CRISPLD2: variants seen among roughly 807,000 people sequenced by gnomAD.
CRISPLD2 encodes cysteine-rich secretory protein LCCL domain-containing 2.
Under a neutral mutation model 71.1 loss-of-function variants are expected in CRISPLD2, and 47 were observed. That is an observed-to-expected ratio of 0.66 (90% CI 0.52 to 0.84). CRISPLD2 has a LOEUF of 0.84. CRISPLD2 is among the 40% of genes least tolerant of loss of function. CRISPLD2 has a pLI of 0.00. For synonymous variants in CRISPLD2, 317 were observed against 250.1 expected, an observed-to-expected ratio of 1.27 and a Z score of -2.52; for missense variants, 830 against 651.1, an observed-to-expected ratio of 1.27 and a Z score of -2.99.
chr16:84,903,466 C>A (rs930201687), intron 14 of CRISPLD2, among the ~76,000 whole-genome samples: 2 of 152,066 alleles, frequency 1.3e-5, no homozygotes, highest in African/African-American at 2.4e-5. Flanking sequence ...GTGGCGCATG[C>A]CTGTAATTCC....
intron 11 of CRISPLD2, among the ~76,000 whole-genome samples, chr16:84,876,096 C>T (rs1156620698): frequency 6.6e-6 from 1 of 152,184 alleles, no homozygotes; most frequent in Non-Finnish European, 1.5e-5. Context: ...ACAGTTACAC[C>T]TATTCCACAT....
rs1917009106 is a variant in CRISPLD2 at position 84,849,300 on chromosome 16, C to A, written c.360-85C>A. The A allele has an allele frequency of 3.6e-6, 5 of 1,375,900 alleles. No homozygotes were observed. The South Asian group carries it at 5.7e-5, about 16-fold the overall frequency. 85.2% of individuals were successfully genotyped at this position (1,375,900 alleles called of 1,614,324 possible). A position where few individuals can be genotyped will look rare whatever the true frequency, so the allele number is the denominator to read the frequency against. ...CTATTCACCCTCCTCGGCCTCCCTC[C>A]CTCCTACCTGCCCGTGGCTGCTGCT... On this transcript the variant is annotated intron_variant, in intron 3 of 14. Transcript: ENST00000262424.
At chr16:84,906,324 A>G (rs2071802120) in intron 14 of CRISPLD2, among the ~76,000 whole-genome samples, 2 of 152,140 alleles carry the variant, frequency 1.3e-5, no homozygotes, top group South Asian at 4.1e-4. Context: ...TGGGTCCAGC[A>G]GATCCCTGAG....
intron 1 of CRISPLD2, among the ~76,000 whole-genome samples, chr16:84,830,833 C>T (rs1453682188): frequency 2.6e-5 from 4 of 152,122 alleles, no homozygotes; most frequent in African/African-American, 7.2e-5. Flanking sequence ...ATGGGATCTG[C>T]GTGATGGAAA....
chr16:84,895,462 G>A (rs746187307), intron 14 of CRISPLD2, among the ~76,000 whole-genome samples: 3 of 152,164 alleles, frequency 2.0e-5, no homozygotes, highest in Non-Finnish European at 2.9e-5. Context: ...AAAAGTAAGA[G>A]TCCCAACAGG....
rs576237913 is a variant in CRISPLD2, at chr16:84,895,738, A to G, written c.1439+6375A>G. Among the ~76,000 whole-genome samples the G allele has an allele frequency of 3.9e-5, 6 of 152,244 alleles. No homozygotes were observed. In the East Asian group the frequency reaches 1.2e-3, roughly 29 times the overall value. ...TTGCCCACATTCTCACTTTGAAGGG[A>G]GGGCAAGGTTTAAACCTAGCAGGGG... On this transcript the variant is annotated intron_variant, in intron 14 of 14. Coordinates refer to ENST00000262424, the MANE Select transcript of CRISPLD2 (RefSeq NM_031476.4).
At chr16:84,894,583 G>C (rs1057480614) in intron 14 of CRISPLD2, among the ~76,000 whole-genome samples, 2 of 152,190 alleles carry the variant, frequency 1.3e-5, no homozygotes, top group African/African-American at 4.8e-5. Context: ...GTGCAGCAGA[G>C]ATATGATGTG....
Position 84,834,273 on chromosome 16 carries a change from C to T in CRISPLD2, c.-74-4149C>T, listed in dbSNP as rs1311142014. The stretch of plus-strand genomic sequence containing the variant: ...CCCCCTTCGCCCTGAGGGTTGCTGG[C>T]GTGAGCCCCTTCTTGATGTTGGCAA... On this transcript the variant is annotated intron_variant, in intron 1 of 14. Coordinates refer to ENST00000262424, the MANE Select transcript of CRISPLD2 (RefSeq NM_031476.4). Among the ~76,000 whole-genome samples the T allele has an allele frequency of 2.0e-5, 3 of 152,238 alleles. No homozygotes were observed. In the East Asian group the frequency reaches 5.8e-4, roughly 29 times the overall value.
At chr16:84,898,637 A>C (rs181980639) in intron 14 of CRISPLD2, among the ~76,000 whole-genome samples, 7 of 152,120 alleles carry the variant, frequency 4.6e-5, no homozygotes, top group Non-Finnish European at 8.8e-5. Flanking sequence ...TGTTTCTTGC[A>C]TATGTTTTGC....
chr16:84,825,956 C>CA (rs954892336), intron 1 of CRISPLD2, among the ~76,000 whole-genome samples: 137 of 139,876 alleles, frequency 9.8e-4, no homozygotes, highest in Non-Finnish European at 8.3e-4. Flanking sequence ...GACCCTGTCT[C>CA]AAAAAAAAAA....
intron 14 of CRISPLD2, among the ~76,000 whole-genome samples, chr16:84,898,431 G>C (rs1486786838): frequency 6.6e-6 from 1 of 151,828 alleles, no homozygotes; most frequent in African/African-American, 2.4e-5. Flanking sequence ...TCTGCTCCTT[G>C]ACTGCACCAA....
chr16:84,861,609 A>G lies in CRISPLD2; in HGVS notation c.710-5288A>G, dbSNP rs545747937. Among the ~76,000 whole-genome samples the G allele has an allele frequency of 3.3e-5, 5 of 152,238 alleles. No homozygotes were observed. In the East Asian group the frequency reaches 9.7e-4, roughly 29 times the overall value. Reference sequence around the variant, plus strand: ...CCACCAAGACCCAGCCCACTGACTCAAATGTTAATCTCCTTTGGCAGCACC... The same window carrying G: ...CCACCAAGACCCAGCCCACTGACTCGAATGTTAATCTCCTTTGGCAGCACC... On this transcript the variant is annotated intron_variant, in intron 6 of 14. Coordinates refer to ENST00000262424, the MANE Select transcript of CRISPLD2 (RefSeq NM_031476.4).
At chr16:84,891,880 G>T (rs1054774772) in intron 14 of CRISPLD2, among the ~76,000 whole-genome samples, 1 of 152,158 alleles carries the variant, frequency 6.6e-6, no homozygotes, top group Non-Finnish European at 1.5e-5. Context: ...CACCCAAATC[G>T]CCACTGTCGC....
At chr16:84,884,176 C>T (rs924143125) in intron 13 of CRISPLD2, among the ~76,000 whole-genome samples, 14 of 152,178 alleles carry the variant, frequency 9.2e-5, no homozygotes, top group African/African-American at 3.1e-4. Context: ...CCCTCTTCTT[C>T]CTCACTGTCA....
chr16:84,826,100 A>C (rs1039943518), intron 1 of CRISPLD2, among the ~76,000 whole-genome samples: 1 of 152,224 alleles, frequency 6.6e-6, no homozygotes, highest in Admixed American at 6.5e-5. Context: ...TTATCCTAGA[A>C]AGCTAAAGAA....
At chr16:84,891,751 T>C (rs1597482751) in intron 14 of CRISPLD2, among the ~76,000 whole-genome samples, 3 of 152,044 alleles carry the variant, frequency 2.0e-5, no homozygotes, top group South Asian at 4.1e-4. Context: ...GGGGGCCCCA[T>C]TGGTAGGCCC....
At chr16:84,906,002 C>T (rs1488814939) in intron 14 of CRISPLD2, among the ~76,000 whole-genome samples, 1 of 152,160 alleles carries the variant, frequency 6.6e-6, no homozygotes, top group African/African-American at 2.4e-5. Context: ...GCCACCGCGC[C>T]TGGCCTAAAG....
At chr16:84,850,728 G>A in intron 5 of CRISPLD2, 45 bp downstream of exon 5, 1 of 1,501,608 alleles carries the variant, frequency 6.7e-7, no homozygotes, top group Non-Finnish European at 9.3e-7. Flanking sequence ...GTTGGGATGT[G>A]TTTGCTTGCC....
chr16:84,838,515 G>A lies in CRISPLD2; in HGVS notation c.20G>A (p.Gly7Asp), dbSNP rs1916682895. MSCVLGGVIPLGLLFLV... is the reference protein window; with the variant it reads MSCVLGDVIPLGLLFLV... ...GGAGCCATGAGCTGCGTCCTGGGTG[G>A]TGTCATCCCCTTGGGGCTGCTGTTC... Residue 7 changes from glycine (G) to aspartate (D), a missense_variant, in exon 2 of 15, where the codon GGT (glycine) becomes GAT (aspartate). Gly to Asp is a moderately conservative substitution (Grantham distance 94, BLOSUM62 -1). Coordinates refer to ENST00000262424, the MANE Select transcript of CRISPLD2 (RefSeq NM_031476.4). 1.2e-6 allele frequency: 2 copies of A among 1,613,998 alleles called. No individual in the cohort carries two copies. The highest frequency in any genetic ancestry group is 1.3e-5 in the African/African-American group (1 of 74,990).
Sources: gnomAD v4.1 joint callset for allele counts (sites outside exome capture counted in the v4.1 genomes callset) on GRCh38, gnomAD v4.1.1 for gene constraint, MANE v1.5 for transcripts, NCBI Gene and HGNC (gene_info 2026-07-23, HGNC 2026-07-21) for gene names.